Variants in FCHO1 observed in about 807,000 individuals in gnomAD.
The protein encoded by FCHO1 is FCH and mu domain containing endocytic adaptor 1.
In FCHO1, 45 loss-of-function variants were observed where a neutral mutation model predicts 114.4. The observed-to-expected ratio is 0.39, with a 90% CI of 0.31 to 0.50. The LOEUF (loss-of-function observed/expected upper bound fraction) is 0.50. Ranked by LOEUF, FCHO1 falls within the 20% of genes least tolerant of loss-of-function variation. The pLI, the probability that FCHO1 is intolerant of heterozygous loss-of-function variation, is 0.77. For synonymous variants in FCHO1, 480 were observed against 488.9 expected (o/e 0.98, Z 0.24); for missense variants, 1,042 against 1,209.6 (o/e 0.86, Z 2.06).
intron 7 of FCHO1, among the ~76,000 whole-genome samples, 157 bp from the exon 8 acceptor site, chr19:17,770,268 T>A (rs2091083806): frequency 6.6e-6 from 1 of 152,032 alleles, no homozygotes; most frequent in Non-Finnish European, 1.5e-5. Context: ...GCCACTGCAC[T>A]CCAGCCTGGA....
chr19:17,778,134 T>C lies in FCHO1; in HGVS notation c.1260-3T>C, dbSNP rs763043728. 1.2e-6 allele frequency: 2 copies of C among 1,612,928 alleles called. No individual in the cohort carries two copies. Among genetic ancestry groups the C allele is most frequent in the African/African-American group, 1.3e-5 (1 of 75,016 alleles). The stretch of plus-strand genomic sequence containing the variant: ...GCAGCCCTCTTGGCCTCACCCTCTC[T>C]AGCTGTGCAGAGAGATTGCAGTCAG... On this transcript the variant is annotated splice_polypyrimidine_tract_variant and splice_region_variant and intron_variant, in intron 18 of 28. Transcript: ENST00000596536.
intron 20 of FCHO1, among the ~76,000 whole-genome samples, 179 bp from the exon 21 acceptor site, chr19:17,781,052 G>A (rs530860974): frequency 1.3e-5 from 2 of 152,224 alleles, no homozygotes; most frequent in Non-Finnish European, 2.9e-5. Context: ...AGGGTTGGGG[G>A]TGTGGACAGT....
intron 4 of FCHO1, among the ~76,000 whole-genome samples, chr19:17,756,955 G>A (rs538156035): frequency 1.6e-4 from 24 of 152,204 alleles, no homozygotes; most frequent in Admixed American, 2.6e-4. Flanking sequence ...TTGGGAGGCC[G>A]AGGGAGGCGG....
intron 4 of FCHO1, among the ~76,000 whole-genome samples, chr19:17,757,541 G>A (rs927227358): frequency 2.0e-5 from 3 of 152,184 alleles, no homozygotes; most frequent in Non-Finnish European, 4.4e-5. Flanking sequence ...CCAGAGAGAC[G>A]AAGTCACCAA....
At chr19:17,782,805 G>C (rs2093546167) in intron 23 of FCHO1, among the ~76,000 whole-genome samples, 1 of 152,128 alleles carries the variant, frequency 6.6e-6, no homozygotes, top group Non-Finnish European at 1.5e-5. Flanking sequence ...GGATGGAGAT[G>C]TTCCTGCCTC....
chr19:17,766,907 T>TATTTATAA, intron 7 of FCHO1, 97 bp downstream of exon 7: 1 of 1,282,470 alleles, frequency 7.8e-7, no homozygotes, highest in Non-Finnish European at 1.1e-6. Context: ...CCTGCGGATG[T>TATTTATAA]CCGCCTCCGA....
At chr19:17,782,448 G>T (rs528028833) in intron 23 of FCHO1, among the ~76,000 whole-genome samples, 5 of 152,098 alleles carry the variant, frequency 3.3e-5, no homozygotes, top group African/African-American at 1.2e-4. Flanking sequence ...AAGTAATCCA[G>T]CTGCCTCAGC....
At chr19:17,768,619 G>A (rs1433308411) in intron 7 of FCHO1, among the ~76,000 whole-genome samples, 2 of 151,704 alleles carry the variant, frequency 1.3e-5, no homozygotes, top group Non-Finnish European at 2.9e-5. Context: ...ACTTGAGCCT[G>A]GGAGGTGGAG....
At chr19:17,772,336 C>T (rs995137855) in intron 9 of FCHO1, 121 bp from the exon 10 acceptor site, 3 of 741,260 alleles carry the variant, frequency 4.0e-6, no homozygotes, top group Non-Finnish European at 7.2e-6. Context: ...CTCATTGGCC[C>T]TTCCCCAAAT....
Position 17,762,616 on chromosome 19 carries a change from G to C in FCHO1, c.28-146G>C, listed in dbSNP as rs2086766682. ...CCATAGACAATCCCTATGGCCCAGG[G>C]GAAATGCAGCAAGCTGATTCGCTCA... is the stretch of plus-strand genomic sequence containing the variant. On this transcript the variant is annotated intron_variant, in intron 4 of 28. Transcript: ENST00000596536. 3 of 723,310 alleles carry C rather than the reference G, an allele frequency of 4.1e-6. No homozygotes were observed. In the Admixed American group the frequency reaches 5.7e-5, roughly 14 times the overall value. 44.8% of individuals were successfully genotyped at this position (723,310 alleles called of 1,614,324 possible).
rs753554465 is a variant in FCHO1, at chr19:17,770,875, G to C, written c.573G>C (p.Gln191His). 5.5e-5 allele frequency: 88 copies of C among 1,613,940 alleles called. No homozygotes were observed. The highest frequency in any genetic ancestry group is 1.6e-4 in the Middle Eastern group (1 of 6,080). ...KYNSARADFE[Q>H]KMLDSALRFQ... ...ACTCAGCCCGAGCTGACTTTGAGCA[G>C]AAGATGCTGGACTCAGCCCTGGTAA... The change falls in exon 9 of 29, where the codon CAG becomes CAC. Residue 191 changes from glutamine (Q) to histidine (H), a missense_variant. Coordinates refer to ENST00000596536, the MANE Select transcript of FCHO1 (RefSeq NM_015122.3).
intron 26 of FCHO1, among the ~76,000 whole-genome samples, chr19:17,786,361 AACACACAC>A (rs4007691): frequency 2.1e-4 from 31 of 149,104 alleles, no homozygotes; most frequent in African/African-American, 7.4e-4. Context: ...ACACAAAACA[AACACACAC>A]ACACACACAC....
chr19:17,777,866 C>T (rs191237984), intron 18 of FCHO1, among the ~76,000 whole-genome samples: 1 of 152,214 alleles, frequency 6.6e-6, no homozygotes, highest in East Asian at 1.9e-4. Flanking sequence ...TGGTAAAACC[C>T]CGTCTCTGCT....
chr19:17,784,123 C>G lies in FCHO1; in HGVS notation c.2114C>G (p.Pro705Arg). The change falls in exon 25 of 29, where the codon CCT becomes CGT. Residue 705 changes from proline to arginine, a missense_variant. Pro to Arg is a moderately radical substitution (Grantham distance 103). Transcript: ENST00000596536. The surrounding 1 kb of genome is among the most constrained non-coding windows in gnomAD (Gnocchi z 5.3). ...TGCAGTGACCCCTCCCAGAGTGACCCTGAGACCAAAGACTTCTGGCTCAAC... is the reference window on the plus strand; with the variant it reads ...TGCAGTGACCCCTCCCAGAGTGACCGTGAGACCAAAGACTTCTGGCTCAAC... The part of the protein sequence containing the change: ...LLFSDPSQSD[P>R]ETKDFWLNMA... 1 of 1,614,124 alleles carries G rather than the reference C, an allele frequency of 6.2e-7. No individual in the cohort carries two copies. The highest frequency in any genetic ancestry group is 8.5e-7 in the Non-Finnish European group (1 of 1,180,014).
In FCHO1 at chr19:17,775,960, C is replaced by T; in HGVS notation, c.1004-23C>T. 6.2e-7 allele frequency: 1 copy of T among 1,601,920 alleles called. No individual in the cohort carries two copies. On this transcript the variant is annotated intron_variant, in intron 15 of 28. Coordinates refer to ENST00000596536, the MANE Select transcript of FCHO1 (RefSeq NM_015122.3). This position sits in a 1 kb window ranked among gnomAD's most constrained non-coding sequence, Gnocchi z 5.1. The stretch of plus-strand genomic sequence containing the variant: ...GGGGGAAAGCTTGTGTTGGGATTGG[C>T]TTGGACCTTGACTGCAGCCCACGCA...
intron 7 of FCHO1, among the ~76,000 whole-genome samples, chr19:17,767,074 G>GGT (rs1568336759): frequency 1.4e-5 from 2 of 138,574 alleles, no homozygotes. Flanking sequence ...GCTAAGAAGG[G>GGT]TTTTTTTTTT....
intron 9 of FCHO1, among the ~76,000 whole-genome samples, chr19:17,771,446 A>T (rs1447402774): frequency 6.6e-6 from 1 of 151,644 alleles, no homozygotes; most frequent in African/African-American, 2.4e-5. Flanking sequence ...AGGCAGGTGG[A>T]TCACGAGGTC....
At position 17,775,807 on chromosome 19, in the gene FCHO1, C is replaced by T. The variant is rs1221683120; in HGVS notation, c.1004-176C>T. 3.5e-5 allele frequency among the ~76,000 whole-genome samples: 5 copies of T among 143,198 alleles called. No homozygotes were observed. Among genetic ancestry groups the T allele is most frequent in the East Asian group, 2.1e-4 (1 of 4,862 alleles). 93.9% of individuals were successfully genotyped at this position (143,198 alleles called of 152,430 possible). On this transcript the variant is annotated intron_variant, in intron 15 of 28. Coordinates refer to ENST00000596536, the MANE Select transcript of FCHO1 (RefSeq NM_015122.3). The surrounding 1 kb of genome is among the most constrained non-coding windows in gnomAD (Gnocchi z 5.1). ...TGGGCATGCTTGTGCAAAGGCTTCTCGGGGGGGGTGGGAGTGCTGGTGGGA... is the reference window on the plus strand; with the variant it reads ...TGGGCATGCTTGTGCAAAGGCTTCTTGGGGGGGGTGGGAGTGCTGGTGGGA...
chr19:17,784,603 C>A lies in FCHO1; in HGVS notation c.2227-122C>A. 1 of 939,056 alleles carries A rather than the reference C, an allele frequency of 1.1e-6. No individual in the cohort carries two copies. Among genetic ancestry groups the A allele is most frequent in the South Asian group, 1.4e-5 (1 of 73,450 alleles). 58.2% of individuals were successfully genotyped at this position (939,056 alleles called of 1,614,324 possible). A position where few individuals can be genotyped will look rare whatever the true frequency, so the allele number is the denominator to read the frequency against. Reference sequence around the variant, plus strand: ...ACAGCCTCTCATCCATCAAATCTCCCTGTGACTGGACCCCCTTGGGGCGGT... The same window carrying A: ...ACAGCCTCTCATCCATCAAATCTCCATGTGACTGGACCCCCTTGGGGCGGT... On this transcript the variant is annotated intron_variant, in intron 25 of 28. Coordinates refer to ENST00000596536, the MANE Select transcript of FCHO1 (RefSeq NM_015122.3). The surrounding 1 kb of genome is among the most constrained non-coding windows in gnomAD (Gnocchi z 5.3).
Sources: gnomAD v4.1 joint callset for allele counts (sites outside exome capture counted in the v4.1 genomes callset) on GRCh38, gnomAD v4.1.1 for gene constraint, Gnocchi (gnomAD v3.1) non-coding constraint, MANE v1.5 for transcripts, NCBI Gene and HGNC (gene_info 2026-07-23, HGNC 2026-07-21) for gene names.